Variants in TRPM5 observed in about 807,000 individuals in gnomAD.
TRPM5 encodes transient receptor potential cation channel subfamily M member 5.
Under a neutral mutation model 124.9 loss-of-function variants are expected in TRPM5, and 121 were observed. That is an observed-to-expected ratio of 0.97 (90% CI 0.84 to 1.13). The LOEUF (loss-of-function observed/expected upper bound fraction) is 1.13. Among genes scored for constraint, TRPM5 ranks in the 50% most tolerant of loss-of-function variants. TRPM5 has a pLI of 0.00. For synonymous variants in TRPM5, 781 were observed against 700.5 expected, an observed-to-expected ratio of 1.11 and a Z score of -1.81; for missense variants, 1,643 against 1,589.1, an observed-to-expected ratio of 1.03 and a Z score of -0.58.
chr11:2,426,418 G>T (rs1295821766), upstream of TRPM5, among the ~76,000 whole-genome samples: 1 of 152,124 alleles, frequency 6.6e-6, no homozygotes, highest in Non-Finnish European at 1.5e-5. Context: ...CAGGTGCCCA[G>T]GTCTTCTGCA....
chr11:2,439,365 G>T, the TRPM5 span, among the ~76,000 whole-genome samples: 33 of 152,164 alleles, frequency 2.2e-4, no homozygotes, highest in African/African-American at 8.0e-4. Flanking sequence ...CACAGCAAAA[G>T]AAACTATCAA....
the TRPM5 span, among the ~76,000 whole-genome samples, chr11:2,433,163 A>G: frequency 7.2e-5 from 11 of 152,206 alleles, no homozygotes; most frequent in Non-Finnish European, 1.6e-4. Flanking sequence ...CCATCACAAG[A>G]TGTGAACAGA....
intron 18 of TRPM5, 79 bp downstream of exon 23, chr11:2,411,273 G>A: frequency 1.4e-6 from 2 of 1,444,272 alleles, no homozygotes. Context: ...AGACCTCTCT[G>A]GAGAGCCTCA....
At chr11:2,438,806 T>C in the TRPM5 span, among the ~76,000 whole-genome samples, 1 of 152,226 alleles carries the variant, frequency 6.6e-6, no homozygotes, top group Non-Finnish European at 1.5e-5. The surrounding 1 kb of genome is among the most constrained non-coding windows in gnomAD (Gnocchi z 5.9). Context: ...AACGTCATTT[T>C]TCACAGAATT....
intron 3 of TRPM5, 71 bp from the exon 9 acceptor site, chr11:2,420,476 C>T: frequency 1.4e-6 from 2 of 1,476,034 alleles, no homozygotes; most frequent in Non-Finnish European, 9.1e-7. Context: ...GCGGGATCCT[C>T]CCTGCCAGGC....
chr11:2,406,681 C>T lies in TRPM5; in HGVS notation c.3231G>A (p.Val1077=), dbSNP rs756275726. The T allele has an allele frequency of 1.9e-6, 3 of 1,612,352 alleles. No homozygotes were observed. In the South Asian group the frequency reaches 3.3e-5, roughly 18 times the overall value. Reference sequence around the variant, plus strand: ...CGCACCTGTGGGCGGTTTTCCGCAGCACCTCCCCCTCGCTGTCCCTCCTCC... The same window carrying T: ...CGCACCTGTGGGCGGTTTTCCGCAGTACCTCCCCCTCGCTGTCCCTCCTCC... The change falls in exon 21 of 24, where the codon GTG becomes GTA. Residue 1077 remains valine, a synonymous_variant. Transcript: ENST00000155858.
At chr11:2,434,517 T>C in the TRPM5 span, among the ~76,000 whole-genome samples, 228 of 151,226 alleles carry the variant, frequency 1.5e-3, no homozygotes, top group African/African-American at 5.3e-3. Flanking sequence ...GTGGATGCTG[T>C]GTCTGTGAGA....
At chr11:2,421,259 C>T in intron 2 of TRPM5, 61 bp from the exon 8 acceptor site, 2 of 1,504,596 alleles carry the variant, frequency 1.3e-6, no homozygotes, top group Middle Eastern at 1.7e-4. Context: ...TAGCTGGCCC[C>T]ACGCCCTAAC....
At chr11:2,418,527 C>T (rs760284903) in exon 5 of TRPM5, 1 of 1,610,526 alleles carries the variant, frequency 6.2e-7, no homozygotes, top group Non-Finnish European at 8.5e-7. Context: ...AGGCCCCTAC[C>T]TCCAAGGTGT....
chr11:2,433,805 G>A, the TRPM5 span, among the ~76,000 whole-genome samples: 2 of 152,230 alleles, frequency 1.3e-5, no homozygotes, highest in African/African-American at 2.4e-5. Flanking sequence ...TGTGGACACC[G>A]TGGGCATTTC....
chr11:2,410,662 G>T (rs1176642701), intron 18 of TRPM5: 6 of 442,484 alleles, frequency 1.4e-5, no homozygotes, highest in Non-Finnish European at 2.7e-5. Context: ...TCTGACCCCC[G>T]CCCCCTCCCC....
chr11:2,409,323 A>G (rs1850394393), intron 18 of TRPM5, among the ~76,000 whole-genome samples: 1 of 151,936 alleles, frequency 6.6e-6, no homozygotes, highest in African/African-American at 2.4e-5. Context: ...GGCCGGGGCC[A>G]GCCTGGAGAG....
At chr11:2,412,350 C>CAGCGTGCCATGGGGATCAGGGTT in intron 15 of TRPM5, 97 bp from the exon 21 acceptor site, 1 of 935,866 alleles carries the variant, frequency 1.1e-6, no homozygotes, top group African/African-American at 1.6e-5. Context: ...GATCAGGGTT[C>CAGCGTGCCATGGGGATCAGGGTT]CATCTATGAC....
rs1332361223 is a variant in TRPM5 at position 2,418,183 on chromosome 11, A to C, written c.890T>G (p.Val297Gly). The stretch of plus-strand genomic sequence containing the variant: ...AGCACATACCAGCTTGGTCCAGCGC[A>C]CGATGTCCTCCCAAGAGAAATGCTT... Residue 297 changes from valine (V) to glycine (G), a missense_variant, in exon 6 of 24, where the codon GTG becomes GGG. Transcript: ENST00000155858. 7.6e-6 allele frequency: 12 copies of C among 1,576,322 alleles called. No homozygotes were observed. In the East Asian group the frequency reaches 2.3e-4, roughly 30 times the overall value.
At chr11:2,407,779 G>A (rs775591280) in exon 19 of TRPM5, 48 of 1,613,820 alleles carry the variant, frequency 3.0e-5, no homozygotes, top group Non-Finnish European at 4.1e-5. Context: ...CGATGAGCAG[G>A]TTCATGAGCA....
At chr11:2,440,751 T>A in the TRPM5 span, among the ~76,000 whole-genome samples, 1 of 152,130 alleles carries the variant, frequency 6.6e-6, no homozygotes, top group African/African-American at 2.4e-5. This position sits in a 1 kb window ranked among gnomAD's most constrained non-coding sequence, Gnocchi z 5.2. Context: ...TCTGGGGGAA[T>A]GAACGAATGA....
intron 16 of TRPM5, 78 bp from the exon 22 acceptor site, chr11:2,411,845 C>T (rs756725148): frequency 1.0e-4 from 161 of 1,563,620 alleles, no homozygotes; most frequent in Non-Finnish European, 1.3e-4. Context: ...AGCATGCTGG[C>T]TGCGGGCAGG....
At chr11:2,404,842 TG>T (rs1157411759) in exon 24 of TRPM5, 15 of 1,062,184 alleles carry the variant, frequency 1.4e-5, no homozygotes, top group South Asian at 5.7e-5. Context: ...TGGTGCCCCC[TG>T]GGGGGTTCCG....
chr11:2,438,693 G>T, the TRPM5 span, among the ~76,000 whole-genome samples: 10,650 of 152,072 alleles, frequency 0.07, 465 homozygotes, highest in South Asian at 0.17. The surrounding 1 kb of genome is among the most constrained non-coding windows in gnomAD (Gnocchi z 5.9). Flanking sequence ...TGACACAAAT[G>T]GAAACACATT....
Sources: allele counts gnomAD v4.1 joint callset (sites outside exome capture counted in the v4.1 genomes callset), GRCh38; gene constraint gnomAD v4.1.1; non-coding constraint Gnocchi (gnomAD v3.1); transcripts MANE v1.5; gene names NCBI Gene and HGNC (gene_info 2026-07-23, HGNC 2026-07-21).